Variants in MGA observed in about 807,000 individuals in gnomAD.
MGA encodes MAX gene-associated protein.
A neutral mutation model predicts 261.1 loss-of-function variants in MGA; 40 were observed. The ratio of observed to expected loss-of-function variants is 0.15; its 90% confidence interval spans 0.12 to 0.20. The LOEUF is 0.20. Ranked by LOEUF, MGA falls within the 10% of genes least tolerant of loss-of-function variation. The pLI is 1.00. For missense variants in MGA, 3,397 were observed against 3,630.5 expected (o/e 0.94, Z 1.65); for synonymous variants, 1,302 against 1,290.6 (o/e 1.01, Z -0.19).
intron 1 of MGA, among the ~76,000 whole-genome samples, chr15:41,652,089 C>T (rs2057074564): frequency 6.9e-6 from 1 of 145,446 alleles, no homozygotes; most frequent in Admixed American, 6.9e-5. Context: ...CCTCAGCCTC[C>T]TGAGTAGCTG....
intron 9 of MGA, among the ~76,000 whole-genome samples, chr15:41,720,900 A>C (rs976574276): frequency 2.0e-5 from 3 of 152,212 alleles, no homozygotes; most frequent in African/African-American, 7.2e-5. Context: ...AGAAGTGGCG[A>C]AGAAATAAAG....
At chr15:41,653,854 G>A (rs1255042867) in intron 1 of MGA, among the ~76,000 whole-genome samples, 2 of 151,596 alleles carry the variant, frequency 1.3e-5, no homozygotes, top group African/African-American at 4.9e-5. Context: ...CTCTTCCTTT[G>A]CCACCATGTG....
chr15:41,669,927 G>A lies in MGA; in HGVS notation c.1033G>A (p.Val345Ile). Residue 345 changes from valine (V) to isoleucine (I), a missense_variant, in exon 2 of 24, where the codon GTT becomes ATT. Transcript: ENST00000219905. The stretch of plus-strand genomic sequence containing the variant: ...GGATACTGATTCAGCACTTAGTGAA[G>A]TTCCTCAATTGAAGCAAGAGATTTC... 1 of 1,613,418 alleles carries A rather than the reference G, an allele frequency of 6.2e-7. No individual in the cohort carries two copies. The highest frequency in any genetic ancestry group is 8.5e-7 in the Non-Finnish European group (1 of 1,179,552).
At chr15:41,751,036 A>G (rs1722599813) in intron 17 of MGA, 1 of 155,264 alleles carries the variant, frequency 6.4e-6, no homozygotes, top group Non-Finnish European at 1.4e-5. Flanking sequence ...ATTCACTTGC[A>G]TATAGAGAGA....
intron 3 of MGA, 56 bp from the exon 4 acceptor site, chr15:41,698,807 A>AT: frequency 7.5e-7 from 1 of 1,337,376 alleles, no homozygotes. Context: ...CCTGTTTTAC[A>AT]TTTAAGTTTT....
intron 1 of MGA, among the ~76,000 whole-genome samples, chr15:41,645,671 A>G (rs974275816): frequency 1.3e-5 from 2 of 152,214 alleles, no homozygotes; most frequent in Non-Finnish European, 1.5e-5. Context: ...AACCTCCCCA[A>G]TTGCACAAGT....
intron 1 of MGA, among the ~76,000 whole-genome samples, chr15:41,626,355 G>A (rs918697719): frequency 5.3e-5 from 8 of 151,374 alleles, no homozygotes; most frequent in African/African-American, 1.9e-4. Flanking sequence ...TGGGCTCAAG[G>A]GATCTTCTTG....
rs893985355 is a variant in MGA at position 41,727,247 on chromosome 15, A to G, written c.3498A>G (p.Glu1166=). ...CATTATGGGTAAAAGTAGAAGGTGAAGTAGATCCAGAACCAGTTTATATCC... is the reference window on the plus strand; with the variant it reads ...CATTATGGGTAAAAGTAGAAGGTGAGGTAGATCCAGAACCAGTTTATATCC... The change falls in exon 10 of 24, where the codon GAA becomes GAG. Residue 1166 remains glutamate, a synonymous_variant. Transcript: ENST00000219905. 4.3e-6 allele frequency: 7 copies of G among 1,613,840 alleles called. No individual in the cohort carries two copies. Among genetic ancestry groups the G allele is most frequent in the African/African-American group, 1.3e-5 (1 of 74,926 alleles).
chr15:41,761,998 C>A (rs1230596131), intron 21 of MGA, 131 bp from the exon 22 acceptor site: 1 of 1,029,782 alleles, frequency 9.7e-7, no homozygotes, highest in African/African-American at 1.6e-5. Flanking sequence ...TGGGTTGTTT[C>A]TTGTGAATTG....
At chr15:41,647,603 T>C (rs2056959641) in intron 1 of MGA, among the ~76,000 whole-genome samples, 2 of 152,180 alleles carry the variant, frequency 1.3e-5, no homozygotes, top group Admixed American at 1.3e-4. Flanking sequence ...TACTCTTCTC[T>C]TCCTTTTTCC....
At chr15:41,633,770 G>A (rs2056642815) in intron 1 of MGA, among the ~76,000 whole-genome samples, 1 of 152,108 alleles carries the variant, frequency 6.6e-6, no homozygotes, top group South Asian at 2.1e-4. Context: ...TCAGATTGGA[G>A]ATGCTGATGC....
intron 9 of MGA, among the ~76,000 whole-genome samples, chr15:41,725,287 A>G (rs1352288908): frequency 2.0e-5 from 3 of 152,326 alleles, no homozygotes; most frequent in African/African-American, 7.2e-5. Context: ...GGCCTGGGTA[A>G]CATAGTGAGA....
chr15:41,732,290 G>A lies in MGA; in HGVS notation c.3844-2232G>A, dbSNP rs530577499. On this transcript the variant is annotated intron_variant, in intron 11 of 23. Coordinates refer to ENST00000219905, the MANE Select transcript of MGA (RefSeq NM_001164273.2). Reference sequence around the variant, plus strand: ...AGCCTCCCGAGTAGCTGGGACTACAGGCACCCGCCACCACGCCCGGCTAAT... The same window carrying A: ...AGCCTCCCGAGTAGCTGGGACTACAAGCACCCGCCACCACGCCCGGCTAAT... Among the ~76,000 whole-genome samples, 7 of 152,118 alleles carry A rather than the reference G, an allele frequency of 4.6e-5. No homozygotes were observed. In the East Asian group the frequency reaches 1.4e-3, roughly 29 times the overall value.
At chr15:41,763,165 T>C (rs1175795433) in intron 22 of MGA, among the ~76,000 whole-genome samples, 3 of 141,072 alleles carry the variant, frequency 2.1e-5, no homozygotes, top group African/African-American at 7.8e-5. Context: ...AGTGGCGCGA[T>C]CTTGGCTCAC....
chr15:41,739,044 A>C (rs1204556059), intron 13 of MGA, among the ~76,000 whole-genome samples: 1 of 152,098 alleles, frequency 6.6e-6, no homozygotes, highest in Non-Finnish European at 1.5e-5. Context: ...GGAAATATAG[A>C]AAAGGTTATC....
At chr15:41,659,400 G>T (rs1429888812), upstream of MGA, among the ~76,000 whole-genome samples, 2 of 152,156 alleles carry the variant, frequency 1.3e-5, no homozygotes, top group Non-Finnish European at 2.9e-5. Flanking sequence ...TAGGTTCTCA[G>T]TGCTTGCTAA....
chr15:41,659,420 A>C (rs2057284880), upstream of MGA, among the ~76,000 whole-genome samples: 1 of 152,192 alleles, frequency 6.6e-6, no homozygotes, highest in African/African-American at 2.4e-5. Flanking sequence ...ATTCTTATCA[A>C]AGAAGGCAGT....
rs749334475 is a variant in MGA, at chr15:41,743,017, T to A, written c.5057T>A (p.Ile1686Lys). 6.2e-7 allele frequency: 1 copy of A among 1,613,868 alleles called. No individual in the cohort carries two copies. Among genetic ancestry groups the A allele is most frequent in the African/African-American group, 1.3e-5 (1 of 74,900 alleles). ...TCTTTGGTAGCATCTCCTTCAACCA[T>A]AACTCTTCCTGTTGCTTCCACTGCT... is the stretch of plus-strand genomic sequence containing the variant. Residue 1686 changes from isoleucine (I) to lysine (K), a missense_variant, in exon 15 of 24, where the codon ATA becomes AAA. Transcript: ENST00000219905.
In MGA at chr15:41,727,188, G is replaced by C; in HGVS notation, c.3439G>C (p.Glu1147Gln). 1.2e-6 allele frequency: 2 copies of C among 1,613,080 alleles called. No homozygotes were observed. Among genetic ancestry groups the C allele is most frequent in the Non-Finnish European group, 1.7e-6 (2 of 1,179,496 alleles). The change falls in exon 10 of 24, where the codon GAG becomes CAG. Residue 1147 changes from glutamate to glutamine, a missense_variant. Transcript: ENST00000219905. ...CCTTCTTTTTTGTTAAGCTATATGT[G>C]AGACAGAGCCTGAACAGCCTGTTCG...
Sources: gnomAD v4.1 joint callset for allele counts (sites outside exome capture counted in the v4.1 genomes callset) on GRCh38, gnomAD v4.1.1 for gene constraint, MANE v1.5 for transcripts, NCBI Gene and HGNC (gene_info 2026-07-23, HGNC 2026-07-21) for gene names.